Variants in SDR42E1 observed in about 807,000 individuals in gnomAD.
SDR42E1 encodes short chain dehydrogenase/reductase family 42E, member 1.
A neutral mutation model predicts 2.6 loss-of-function variants in SDR42E1; 5 were observed. That is an observed-to-expected ratio of 1.94 (90% confidence interval 1.01 to 4.08). The LOEUF (loss-of-function observed/expected upper bound fraction) is 4.08. Ranked by LOEUF, SDR42E1 falls within the 30% of genes most tolerant of loss-of-function variation. The pLI, the probability that SDR42E1 is intolerant of heterozygous loss-of-function variation, is 0.00. For missense variants in SDR42E1, 596 were observed against 478.6 expected (o/e 1.25, Z -2.29); for synonymous variants, 231 against 188.3 (o/e 1.23, Z -1.86).
At position 81,993,466 on chromosome 16, in the gene SDR42E1, G is replaced by A. The variant is rs894246741; in HGVS notation, c.*5645C>T. ...TGGTTCTGATCATTCCCCTGCCCCC[G>A]TGCTTTTCTGGTTGTTACAGTGAAA... is the stretch of plus-strand genomic sequence containing the variant. On this transcript the variant is annotated 3_prime_UTR_variant, in exon 3 of 3. Coordinates refer to ENST00000328945, the MANE Select transcript of SDR42E1 (RefSeq NM_145168.3). 7 of 152,202 alleles carry A rather than the reference G, an allele frequency of 4.6e-5. No individual in the cohort carries two copies. The highest frequency in any genetic ancestry group is 7.3e-5 in the Non-Finnish European group (5 of 68,042). 9.4% of individuals were successfully genotyped at this position (152,202 alleles called of 1,614,324 possible).
At chr16:82,004,317 C>A (rs1261810734) in intron 1 of SDR42E1, among the ~76,000 whole-genome samples, 1 of 152,064 alleles carries the variant, frequency 6.6e-6, no homozygotes, top group Non-Finnish European at 1.5e-5. Flanking sequence ...AGGGTTATCA[C>A]AGGTGGGGGT....
At chr16:82,006,779 G>C (rs1033297919) in intron 1 of SDR42E1, among the ~76,000 whole-genome samples, 1 of 152,116 alleles carries the variant, frequency 6.6e-6, no homozygotes, top group Admixed American at 6.5e-5. Context: ...AGGCGACAGA[G>C]GGAGATTCCA....
intron 1 of SDR42E1, among the ~76,000 whole-genome samples, chr16:82,007,466 G>C (rs1284934615): frequency 6.6e-6 from 1 of 152,166 alleles, no homozygotes; most frequent in Admixed American, 6.5e-5. Context: ...CCATTTTACA[G>C]GTGAGAAAAC....
At chr16:82,003,283 G>A (rs1217051758) in intron 1 of SDR42E1, among the ~76,000 whole-genome samples, 4 of 152,196 alleles carry the variant, frequency 2.6e-5, no homozygotes, top group Non-Finnish European at 5.9e-5. Flanking sequence ...ACCTAACAGT[G>A]ACCTTGTGAT....
At chr16:82,010,002 T>G (rs1239103009) in intron 1 of SDR42E1, among the ~76,000 whole-genome samples, 4 of 152,228 alleles carry the variant, frequency 2.6e-5, no homozygotes, top group Non-Finnish European at 5.9e-5. Context: ...GGAGTTCCCC[T>G]ACACAAGCTC....
chr16:82,010,437 A>T (rs1307286782), intron 1 of SDR42E1, among the ~76,000 whole-genome samples: 2 of 152,166 alleles, frequency 1.3e-5, no homozygotes, highest in African/African-American at 4.8e-5. Flanking sequence ...TTATCTTATC[A>T]CTGTGAAAGG....
Position 81,995,818 on chromosome 16 carries a change from TAAAC to T in SDR42E1, c.*3289_*3292del, listed in dbSNP as rs1461632516. Reference sequence around the variant, plus strand: ...CCACCCTCATAGAGCTAACAGGCATTAAACAAATAACCGTACAAATGTTTACAGT... The same window carrying T: ...CCACCCTCATAGAGCTAACAGGCATTAAATAACCGTACAAATGTTTACAGT... On this transcript the variant is annotated 3_prime_UTR_variant, in exon 3 of 3. Transcript: ENST00000328945. 1 of 152,166 alleles carries T rather than the reference TAAAC, an allele frequency of 6.6e-6. No homozygotes were observed. Among genetic ancestry groups the T allele is most frequent in the Non-Finnish European group, 1.5e-5 (1 of 68,036 alleles). The allele number at this position is 152,166 out of a possible 1,614,324, so 9.4% of individuals were successfully genotyped here.
intron 2 of SDR42E1, 56 bp from the exon 3 acceptor site, chr16:82,000,280 GAAGTGTATA>G (rs746430849): frequency 1.9e-6 from 3 of 1,593,044 alleles, no homozygotes; most frequent in Non-Finnish European, 2.6e-6. Context: ...GTGCCTAGGG[GAAGTGTATA>G]AAGTAATTTA....
At chr16:82,008,001 G>C (rs980278386) in intron 1 of SDR42E1, 1 of 152,194 alleles carries the variant, frequency 6.6e-6, no homozygotes, top group Non-Finnish European at 1.5e-5. Context: ...GTGTCCTGGA[G>C]GGACCCGGTA....
chr16:81,994,879 AT>A lies in SDR42E1; in HGVS notation c.*4231del, dbSNP rs1912506067. On this transcript the variant is annotated 3_prime_UTR_variant, in exon 3 of 3. Coordinates refer to ENST00000328945, the MANE Select transcript of SDR42E1 (RefSeq NM_145168.3). Reference sequence around the variant, plus strand: ...GTTAGATGGTTGAGGAAAATAAAACATTTTCTTGAAAAGAATCCCTAGGCCT... The same window carrying A: ...GTTAGATGGTTGAGGAAAATAAAACATTTCTTGAAAAGAATCCCTAGGCCT... 1 of 152,092 alleles carries A rather than the reference AT, an allele frequency of 6.6e-6. No individual in the cohort carries two copies. Among genetic ancestry groups the A allele is most frequent in the African/African-American group, 2.4e-5 (1 of 41,404 alleles). The allele number at this position is 152,092 out of a possible 1,614,324, so 9.4% of individuals were successfully genotyped here.
In SDR42E1 at chr16:82,000,525, A is replaced by G. The variant is rs1053659928; in HGVS notation, c.68+266T>C. On this transcript the variant is annotated intron_variant, in intron 2 of 2. Coordinates refer to ENST00000328945, the MANE Select transcript of SDR42E1 (RefSeq NM_145168.3). ...TTGGAATATTTGTGAATAATAAGAT[A>G]ACTGTGAAAGAACAGCTATGATTTA... 5.1e-6 allele frequency: 3 copies of G among 589,396 alleles called. No homozygotes were observed. In the East Asian group the frequency reaches 8.6e-5, roughly 17 times the overall value. The allele number at this position is 589,396 out of a possible 1,614,324, so 36.5% of individuals were successfully genotyped here. A position where few individuals can be genotyped will look rare whatever the true frequency, so the allele number is the denominator to read the frequency against.
In SDR42E1 at chr16:81,999,674, C is replaced by T; in HGVS notation, c.619G>A (p.Gly207Ser). ...TCCCCGTAGACAAACTTGAACAGAC[C>T]CTTCTCGATGTAGCTGACTATCCTG... is the stretch of plus-strand genomic sequence containing the variant. Reference protein sequence around the residue: ...LPRIVSYIEKGLFKFVYGDPR... With the variant: ...LPRIVSYIEKSLFKFVYGDPR... The change falls in exon 3 of 3, where the codon GGT becomes AGT. Residue 207 changes from glycine to serine, a missense_variant. Transcript: ENST00000328945. The T allele has an allele frequency of 1.2e-6, 2 of 1,614,158 alleles. No homozygotes were observed. Among genetic ancestry groups the T allele is most frequent in the Non-Finnish European group, 1.7e-6 (2 of 1,180,026 alleles).
rs1912558002 is a variant in SDR42E1, at chr16:81,997,063, G to A, written c.*2048C>T. ...GCAGTCTGAGCAGAAGCTCACAGTG[G>A]AGAACTTACCTCAGAGATTTGTGGG... On this transcript the variant is annotated 3_prime_UTR_variant, in exon 3 of 3. Coordinates refer to ENST00000328945, the MANE Select transcript of SDR42E1 (RefSeq NM_145168.3). 6.6e-6 allele frequency: 1 copy of A among 152,246 alleles called. No homozygotes were observed. Among genetic ancestry groups the A allele is most frequent in the African/African-American group, 2.4e-5 (1 of 41,466 alleles). 9.4% of individuals were successfully genotyped at this position (152,246 alleles called of 1,614,324 possible).
At chr16:82,005,707 T>C (rs895514862) in intron 1 of SDR42E1, among the ~76,000 whole-genome samples, 2 of 152,194 alleles carry the variant, frequency 1.3e-5, no homozygotes, top group Non-Finnish European at 2.9e-5. Flanking sequence ...GGCAAGTGCT[T>C]GAAGGTCCTT....
rs1050368113 is a variant in SDR42E1, at chr16:81,990,329, A to C, written c.*8782T>G. 2 of 152,262 alleles carry C rather than the reference A, an allele frequency of 1.3e-5. No homozygotes were observed. Among genetic ancestry groups the C allele is most frequent in the African/African-American group, 4.8e-5 (2 of 41,456 alleles). The allele number at this position is 152,262 out of a possible 1,614,324, so 9.4% of individuals were successfully genotyped here. A position where few individuals can be genotyped will look rare whatever the true frequency, so the allele number is the denominator to read the frequency against. ...GAAAAAAAGAAAAGCCACGGTAAAT[A>C]AACTAATACCTGTTATATGGCAGGA... is the stretch of plus-strand genomic sequence containing the variant. On this transcript the variant is annotated 3_prime_UTR_variant, in exon 3 of 3. Transcript: ENST00000328945.
rs1318916098 is a variant in SDR42E1 at position 81,989,827 on chromosome 16, A to C, written c.*9284T>G. 6.6e-6 allele frequency: 1 copy of C among 152,136 alleles called. No individual in the cohort carries two copies. The highest frequency in any genetic ancestry group is 6.5e-5 in the Admixed American group (1 of 15,274). 9.4% of individuals were successfully genotyped at this position (152,136 alleles called of 1,614,324 possible). A position where few individuals can be genotyped will look rare whatever the true frequency, so the allele number is the denominator to read the frequency against. ...ATCACGGCTGACATGGTGAAACCCC[A>C]TCTCTACTAAAAATACAAAAATTAG... On this transcript the variant is annotated 3_prime_UTR_variant, in exon 3 of 3. Coordinates refer to ENST00000328945, the MANE Select transcript of SDR42E1 (RefSeq NM_145168.3).
chr16:81,999,073 C>T lies in SDR42E1; in HGVS notation c.*38G>A. On this transcript the variant is annotated 3_prime_UTR_variant, in exon 3 of 3. Coordinates refer to ENST00000328945, the MANE Select transcript of SDR42E1 (RefSeq NM_145168.3). Reference sequence around the variant, plus strand: ...AAAACCCATGTTTCTTGAGAACCATCTCAGCCAACTGTGATCACCTTATTT... The same window carrying T: ...AAAACCCATGTTTCTTGAGAACCATTTCAGCCAACTGTGATCACCTTATTT... 1 of 1,582,012 alleles carries T rather than the reference C, an allele frequency of 6.3e-7. No individual in the cohort carries two copies. Among genetic ancestry groups the T allele is most frequent in the African/African-American group, 1.4e-5 (1 of 73,862 alleles).
rs1912641392 is a variant in SDR42E1 at position 81,999,230 on chromosome 16, G to A, written c.1063C>T (p.His355Tyr). 1 of 1,614,170 alleles carries A rather than the reference G, an allele frequency of 6.2e-7. No homozygotes were observed. The highest frequency in any genetic ancestry group is 1.1e-5 in the South Asian group (1 of 91,082). The change falls in exon 3 of 3, where the codon CAT (histidine) becomes TAT (tyrosine). Residue 355 changes from histidine to tyrosine, a missense_variant. Transcript: ENST00000328945. ...EAVEWFKAHG[H>Y]GRSSGSRDSE... is the part of the protein sequence containing the mutation. ...TCACGACTTCCAGAACTTCTGCCAT[G>A]ACCATGGGCTTTAAACCATTCCACT...
In SDR42E1 at chr16:81,990,342, T is replaced by C. The variant is rs1912398988; in HGVS notation, c.*8769A>G. 1 of 152,224 alleles carries C rather than the reference T, an allele frequency of 6.6e-6. No homozygotes were observed. The highest frequency in any genetic ancestry group is 1.5e-5 in the Non-Finnish European group (1 of 68,046). 9.4% of individuals were successfully genotyped at this position (152,224 alleles called of 1,614,324 possible). A position where few individuals can be genotyped will look rare whatever the true frequency, so the allele number is the denominator to read the frequency against. Reference sequence around the variant, plus strand: ...GCCACGGTAAATAAACTAATACCTGTTATATGGCAGGAAATCAATGAAACA... The same window carrying C: ...GCCACGGTAAATAAACTAATACCTGCTATATGGCAGGAAATCAATGAAACA... On this transcript the variant is annotated 3_prime_UTR_variant, in exon 3 of 3. Transcript: ENST00000328945.
Sources: gnomAD v4.1 joint callset for allele counts (sites outside exome capture counted in the v4.1 genomes callset) on GRCh38, gnomAD v4.1.1 for gene constraint, MANE v1.5 for transcripts, NCBI Gene and HGNC (gene_info 2026-07-23, HGNC 2026-07-21) for gene names.